The following SCUBE1 variants were observed in gnomAD, a reference collection of about 807,000 sequenced individuals.
SCUBE1 encodes the protein signal peptide, CUB domain and EGF like domain containing 1.
A neutral mutation model predicts 124.4 loss-of-function variants in SCUBE1; 59 were observed. The ratio of observed to expected loss-of-function variants is 0.47; its 90% CI spans 0.38 to 0.59. The LOEUF (loss-of-function observed/expected upper bound fraction) is 0.59, where lower values mean the gene tolerates loss of function less well. Among genes scored for constraint, SCUBE1 ranks in the 20% least tolerant of loss-of-function variants. The probability of loss-of-function intolerance (pLI) is 0.00; values close to 1 mark genes in which losing one functional copy is unlikely to be tolerated. For missense variants in SCUBE1, 1,150 were observed against 1,371.2 expected (o/e 0.84, Z 2.55); for synonymous variants, 545 against 550.9 (o/e 0.99, Z 0.15).
chr22:43,270,024 C>T (rs988049018), intron 4 of SCUBE1: 1 of 152,230 alleles, frequency 6.6e-6, no homozygotes. Flanking sequence ...TATGCTACGG[C>T]ACAGGCTGAG....
chr22:43,284,777 T>C (rs1286205590), intron 4 of SCUBE1, among the ~76,000 whole-genome samples: 1 of 152,150 alleles, frequency 6.6e-6, no homozygotes, highest in Non-Finnish European at 1.5e-5. Flanking sequence ...GTCGTCGTCG[T>C]CGTCATCATC....
chr22:43,208,763 G>C (rs942771842), intron 19 of SCUBE1, among the ~76,000 whole-genome samples: 1 of 152,240 alleles, frequency 6.6e-6, no homozygotes, highest in Admixed American at 6.5e-5. Context: ...CAGGAGCCGA[G>C]TGCGGCAGCG....
In SCUBE1 at chr22:43,269,066, C is replaced by A. The variant is rs1601843101; in HGVS notation, c.485-6221G>T. Among the ~76,000 whole-genome samples, 4 of 152,082 alleles carry A rather than the reference C, an allele frequency of 2.6e-5. No homozygotes were observed. In the South Asian group the frequency reaches 8.3e-4, roughly 31 times the overall value. Reference sequence around the variant, plus strand: ...CGGCTATACTTTCATTCACTTGGACCCTCACAACAAGCCTGATGAGCGGGC... The same window carrying A: ...CGGCTATACTTTCATTCACTTGGACACTCACAACAAGCCTGATGAGCGGGC... On this transcript the variant is annotated intron_variant, in intron 4 of 21. Transcript: ENST00000360835.
chr22:43,335,766 GTGATGA>G (rs879726757), intron 2 of SCUBE1, among the ~76,000 whole-genome samples: 1 of 149,180 alleles, frequency 6.7e-6, no homozygotes. Context: ...GATGATGATG[GTGATGA>G]TGATGGTGAT....
At chr22:43,341,066 C>T (rs949329903) in intron 1 of SCUBE1, among the ~76,000 whole-genome samples, 4 of 150,370 alleles carry the variant, frequency 2.7e-5, no homozygotes, top group African/African-American at 9.9e-5. Context: ...AGAAACACAA[C>T]AGCATGACCC....
At chr22:43,319,241 T>C (rs1186481468) in intron 3 of SCUBE1, among the ~76,000 whole-genome samples, 1 of 152,096 alleles carries the variant, frequency 6.6e-6, no homozygotes, top group African/African-American at 2.4e-5. Context: ...CCAATATGAC[T>C]GTGTCCTTAT....
chr22:43,253,220 C>T (rs568154989), intron 6 of SCUBE1, among the ~76,000 whole-genome samples: 4 of 152,336 alleles, frequency 2.6e-5, no homozygotes, highest in African/African-American at 7.2e-5. Flanking sequence ...CTGGTTGGGG[C>T]CTGAAGTCCA....
intron 4 of SCUBE1, among the ~76,000 whole-genome samples, chr22:43,277,738 G>T (rs186297343): frequency 2.6e-4 from 39 of 152,352 alleles, no homozygotes; most frequent in Middle Eastern, 3.4e-3. Context: ...GCTATGATGC[G>T]TATGACAGCT....
At chr22:43,305,070 TC>T (rs1925917496) in intron 3 of SCUBE1, among the ~76,000 whole-genome samples, 1 of 152,140 alleles carries the variant, frequency 6.6e-6, no homozygotes, top group Non-Finnish European at 1.5e-5. Flanking sequence ...GCCCGCACTG[TC>T]CCGGGCTTTC....
At position 43,275,306 on chromosome 22, in the gene SCUBE1, T is replaced by TG; in HGVS notation, c.485-12462dup. 2.6e-5 allele frequency among the ~76,000 whole-genome samples: 4 copies of TG among 152,316 alleles called. No homozygotes were observed. The Middle Eastern group carries it at 0.01, about 389-fold the overall frequency. On this transcript the variant is annotated intron_variant, in intron 4 of 21. Coordinates refer to ENST00000360835, the MANE Select transcript of SCUBE1 (RefSeq NM_173050.5). ...CAGGACCCAGCAAACCACGACGCGC[T>TG]GGGCGTCCCTCTCCTGGCGGTGGGC...
chr22:43,209,283 C>G (rs1265242358), intron 19 of SCUBE1, among the ~76,000 whole-genome samples: 1 of 152,184 alleles, frequency 6.6e-6, no homozygotes. Flanking sequence ...CTGTGGGTGT[C>G]TGGGTTCCTG....
At chr22:43,286,278 G>A (rs56866292) in intron 4 of SCUBE1, among the ~76,000 whole-genome samples, 2,292 of 152,366 alleles carry the variant, frequency 0.015, 70 homozygotes, top group African/African-American at 0.054. Context: ...GTCACGAGAT[G>A]GTCCATGGTA....
intron 21 of SCUBE1, among the ~76,000 whole-genome samples, chr22:43,207,078 G>A (rs1177541010): frequency 6.6e-6 from 1 of 152,204 alleles, no homozygotes; most frequent in Non-Finnish European, 1.5e-5. Context: ...CCTCTGGCCA[G>A]TACCCACCAT....
At chr22:43,225,291 C>T (rs1223844110) in intron 10 of SCUBE1, among the ~76,000 whole-genome samples, 1 of 152,044 alleles carries the variant, frequency 6.6e-6, no homozygotes, top group Non-Finnish European at 1.5e-5. Flanking sequence ...GATGTAAAGC[C>T]ACGTCTAGAG....
chr22:43,337,243 G>A (rs1241926587), intron 2 of SCUBE1, among the ~76,000 whole-genome samples: 2 of 152,158 alleles, frequency 1.3e-5, no homozygotes, highest in Non-Finnish European at 2.9e-5. Context: ...GGGTCAAGCA[G>A]AGTAAGGAGT....
rs113386696 is a variant in SCUBE1 at position 43,211,862 on chromosome 22, T to G, written c.2221+563A>C. On this transcript the variant is annotated intron_variant, in intron 17 of 21. Coordinates refer to ENST00000360835, the MANE Select transcript of SCUBE1 (RefSeq NM_173050.5). This position sits in a 1 kb window ranked among gnomAD's most constrained non-coding sequence, Gnocchi z 4.5. Reference sequence around the variant, plus strand: ...GGGCAAATTCAGAACAGTTTGTATGTGCAGGGGAGTATCTGGTGATGTGGC... The same window carrying G: ...GGGCAAATTCAGAACAGTTTGTATGGGCAGGGGAGTATCTGGTGATGTGGC... Among the ~76,000 whole-genome samples the G allele has an allele frequency of 0.022, 3,389 of 152,182 alleles. 66 individuals are homozygous for G. Among genetic ancestry groups the G allele is most frequent in the Non-Finnish European group, 0.032 (2,177 of 68,000 alleles).
rs148152386 is a variant in SCUBE1, at chr22:43,306,231, G to A, written c.349+13706C>T. ...TGTCCCCTTTTAGGGCCACGGCTCCGTGTCTGGTTTGGGGGCATATGTTTT... is the reference window on the plus strand; with the variant it reads ...TGTCCCCTTTTAGGGCCACGGCTCCATGTCTGGTTTGGGGGCATATGTTTT... On this transcript the variant is annotated intron_variant, in intron 3 of 21. Transcript: ENST00000360835. 5.1e-3 allele frequency among the ~76,000 whole-genome samples: 773 copies of A among 152,330 alleles called. 3 individuals are homozygous for A. Among genetic ancestry groups the A allele is most frequent in the African/African-American group, 0.017 (721 of 41,570 alleles).
At chr22:43,307,671 A>G (rs1421009980) in intron 3 of SCUBE1, among the ~76,000 whole-genome samples, 1 of 152,154 alleles carries the variant, frequency 6.6e-6, no homozygotes, top group South Asian at 2.1e-4. Context: ...TTCCATGGGG[A>G]GCAGAGCTCT....
chr22:43,217,012 T>C (rs1921848738), intron 15 of SCUBE1, among the ~76,000 whole-genome samples: 1 of 80,314 alleles, frequency 1.2e-5, no homozygotes, highest in Non-Finnish European at 2.2e-5. Flanking sequence ...GTCACCTCTT[T>C]ACCAACAGCT....
Sources: gnomAD v4.1 joint callset for allele counts (sites outside exome capture counted in the v4.1 genomes callset) on GRCh38, gnomAD v4.1.1 for gene constraint, Gnocchi (gnomAD v3.1) non-coding constraint, MANE v1.5 for transcripts, NCBI Gene and HGNC (gene_info 2026-07-23, HGNC 2026-07-21) for gene names.